Variants in CFAP92 observed in about 807,000 individuals in gnomAD.
CFAP92 encodes cilia and flagella associated protein 92 (putative), also known as uncharacterized protein CFAP92.
In CFAP92, 86 loss-of-function variants were observed where a neutral mutation model predicts 106.3. That is an observed-to-expected ratio of 0.81 (90% CI 0.68 to 0.97). The LOEUF (loss-of-function observed/expected upper bound fraction) is 0.97. CFAP92 is among the 50% of genes least tolerant of loss of function. CFAP92 has a pLI of 0.00. For missense variants in CFAP92, 1,204 were observed against 1,283.8 expected, an observed-to-expected ratio of 0.94 and a Z score of 0.95; for synonymous variants, 477 against 506.4, an observed-to-expected ratio of 0.94 and a Z score of 0.78.
At chr3:128,988,968 C>A in intron 2 of CFAP92, 50 bp from the exon 3 acceptor site, 1 of 1,412,186 alleles carries the variant, frequency 7.1e-7, no homozygotes, top group Non-Finnish European at 9.8e-7. Context: ...TGTGGAAAAG[C>A]AGACCCGTCT....
At chr3:128,991,892 A>G (rs182044092) in intron 2 of CFAP92, 2 of 986,256 alleles carry the variant, frequency 2.0e-6, no homozygotes, top group Non-Finnish European at 2.4e-6. Flanking sequence ...GTGAAGTACT[A>G]CTTGTCTCCT....
chr3:128,977,183 T>TA (rs1252813617), intron 5 of CFAP92, 117 bp from the exon 6 acceptor site: 3 of 739,242 alleles, frequency 4.1e-6, no homozygotes, highest in Non-Finnish European at 7.3e-6. Flanking sequence ...TGGGATGTGG[T>TA]AAGGCCTGGG....
chr3:128,949,484 C>T (rs1940576262), intron 9 of CFAP92, among the ~76,000 whole-genome samples: 1 of 152,216 alleles, frequency 6.6e-6, no homozygotes, highest in African/African-American at 2.4e-5. Flanking sequence ...AAGGTTACAG[C>T]TGCATGATGC....
At chr3:128,992,014 T>C (rs1032952088) in intron 2 of CFAP92, 3 of 295,436 alleles carry the variant, frequency 1.0e-5, no homozygotes, top group South Asian at 1.3e-4. Context: ...TGCCCTCCTG[T>C]GTGTCCGTGT....
chr3:129,022,197 C>T, the CFAP92 span, among the ~76,000 whole-genome samples: 1 of 152,288 alleles, frequency 6.6e-6, no homozygotes, highest in East Asian at 1.9e-4. Context: ...TTTAGAAGGA[C>T]CATGTCATTT....
chr3:129,004,045 G>T (rs568197517), upstream of CFAP92: 234 of 1,511,978 alleles, frequency 1.5e-4, no homozygotes, highest in Middle Eastern at 6.9e-4. Context: ...AGCGCTGGGT[G>T]CGGCGGCTGG....
At chr3:128,910,828 T>C in intron 15 of CFAP92, 1 of 1,613,952 alleles carries the variant, frequency 6.2e-7, no homozygotes, top group Non-Finnish European at 8.5e-7. Context: ...GTGGCATGTC[T>C]TGGGGGAGGG....
chr3:128,952,055 C>T (rs1432861864), intron 9 of CFAP92, among the ~76,000 whole-genome samples: 6 of 152,230 alleles, frequency 3.9e-5, no homozygotes, highest in Admixed American at 3.3e-4. Context: ...TCCCCCTCCA[C>T]AGGCCTGCTA....
rs764100073 is a variant in CFAP92 at position 128,978,147 on chromosome 3, C to T, written c.706G>A (p.Glu236Lys). 3.1e-6 allele frequency: 5 copies of T among 1,613,852 alleles called. No individual in the cohort carries two copies. The highest frequency in any genetic ancestry group is 1.1e-5 in the South Asian group (1 of 91,058). The part of the protein sequence containing the change: ...HLVLNQRKLS[E>K]QGIENTNIVR... ...ATGTTGGTATTCTCAATGCCCTGTT[C>T]AGATAATTTTCTCTGATTTAAAACC... Residue 236 changes from glutamate to lysine, a missense_variant, in exon 5 of 16, where the codon GAA (glutamate) becomes AAA (lysine). Transcript: ENST00000645291.
chr3:128,991,120 C>A (rs116401131), intron 2 of CFAP92, among the ~76,000 whole-genome samples: 1,806 of 152,188 alleles, frequency 0.012, 22 homozygotes, highest in African/African-American at 0.042. Flanking sequence ...AGGACAACAA[C>A]AACAAAAACA....
At chr3:128,912,428 A>G in intron 15 of CFAP92, 2 of 1,328,034 alleles carry the variant, frequency 1.5e-6, no homozygotes. Flanking sequence ...GACTTTGTGG[A>G]AAAATGCCCC....
intron 9 of CFAP92, among the ~76,000 whole-genome samples, chr3:128,952,250 C>A (rs1204355080): frequency 6.6e-6 from 1 of 151,402 alleles, no homozygotes; most frequent in Admixed American, 6.6e-5. Context: ...CCCACCCCGG[C>A]CTCTTGAATA....
chr3:128,951,348 C>T (rs187392452), intron 9 of CFAP92, among the ~76,000 whole-genome samples: 35 of 152,178 alleles, frequency 2.3e-4, no homozygotes, highest in African/African-American at 7.9e-4. Context: ...GACAATTTCC[C>T]GGTGCTGAAG....
At chr3:128,920,916 C>G (rs1433585742) in intron 12 of CFAP92, among the ~76,000 whole-genome samples, 1 of 152,206 alleles carries the variant, frequency 6.6e-6, no homozygotes, top group Non-Finnish European at 1.5e-5. Context: ...CCCATTATCT[C>G]AAGTAGCAGA....
the CFAP92 span, among the ~76,000 whole-genome samples, chr3:129,025,014 G>A: frequency 6.6e-6 from 1 of 152,144 alleles, no homozygotes; most frequent in Non-Finnish European, 1.5e-5. Flanking sequence ...AGGGAGGGAG[G>A]AGCAGATGGA....
upstream of CFAP92, chr3:129,003,974 C>A (rs1944935838): frequency 1.4e-6 from 2 of 1,473,430 alleles, no homozygotes; most frequent in African/African-American, 1.5e-5. Flanking sequence ...GCAGGTGGTG[C>A]TGCGCAGCCT....
At chr3:128,966,077 TC>T (rs1490900499) in intron 8 of CFAP92, among the ~76,000 whole-genome samples, 1 of 152,164 alleles carries the variant, frequency 6.6e-6, no homozygotes, top group Non-Finnish European at 1.5e-5. Context: ...GTTTAAAAGC[TC>T]TCCAGGTAAC....
intron 6 of CFAP92, among the ~76,000 whole-genome samples, chr3:128,976,381 AAC>A (rs1487375065): frequency 2.0e-4 from 31 of 152,230 alleles, no homozygotes; most frequent in African/African-American, 7.2e-4. Context: ...GAGACACCTT[AAC>A]AATGTAAAAA....
rs184175260 is a variant in CFAP92, at chr3:128,961,793, C to T, written c.1353+3718G>A. 4.8e-3 allele frequency among the ~76,000 whole-genome samples: 732 copies of T among 152,306 alleles called. 7 individuals are homozygous for T. The highest frequency in any genetic ancestry group is 0.017 in the African/African-American group (697 of 41,562). ...AAAACTCCAAAAATTAAATTCCGGC[C>T]CTCAAACCCCACAACAGGATTGAAT... On this transcript the variant is annotated intron_variant, in intron 9 of 15. Coordinates refer to ENST00000645291, the MANE Select transcript of CFAP92 (RefSeq NM_001394090.1).
Sources: gnomAD v4.1 joint callset for allele counts (sites outside exome capture counted in the v4.1 genomes callset) on GRCh38, gnomAD v4.1.1 for gene constraint, MANE v1.5 for transcripts, NCBI Gene and HGNC (gene_info 2026-07-23, HGNC 2026-07-21) for gene names.